Variants in PDE1C observed in about 807,000 individuals in gnomAD.
PDE1C encodes dual specificity calcium/calmodulin-dependent 3',5'-cyclic nucleotide phosphodiesterase 1C.
A neutral mutation model predicts 93.1 loss-of-function variants in PDE1C; 62 were observed. The ratio of observed to expected loss-of-function variants is 0.67; its 90% CI spans 0.54 to 0.82. The LOEUF (loss-of-function observed/expected upper bound fraction) is 0.82. Ranked by LOEUF, PDE1C falls within the 40% of genes least tolerant of loss-of-function variation. PDE1C has a pLI of 0.00. For synonymous variants in PDE1C, 325 were observed against 310.1 expected, an observed-to-expected ratio of 1.05 and a Z score of -0.50; for missense variants, 742 against 884.6, an observed-to-expected ratio of 0.84 and a Z score of 2.04.
At chr7:32,108,907 C>T (rs912987614) in intron 3 of PDE1C, among the ~76,000 whole-genome samples, 2 of 152,190 alleles carry the variant, frequency 1.3e-5, no homozygotes, top group African/African-American at 2.4e-5. Context: ...TGCCAATATT[C>T]GTGCCTTCTT....
chr7:31,980,429 C>A (rs1812233965), intron 2 of PDE1C, among the ~76,000 whole-genome samples: 1 of 152,142 alleles, frequency 6.6e-6, no homozygotes, highest in Admixed American at 6.5e-5. Flanking sequence ...TTGCCTAACA[C>A]CTCTGAGTGT....
chr7:32,010,838 C>A (rs560561373), intron 2 of PDE1C, among the ~76,000 whole-genome samples: 4 of 152,210 alleles, frequency 2.6e-5, no homozygotes, highest in African/African-American at 9.6e-5. Context: ...ATAAGGACAC[C>A]AGTCATATTG....
intron 1 of PDE1C, among the ~76,000 whole-genome samples, chr7:32,260,129 GT>G (rs1471456900): frequency 8.5e-5 from 13 of 152,322 alleles, no homozygotes; most frequent in African/African-American, 2.9e-4. Context: ...AGACTTCAGT[GT>G]TTAGGGTTTT....
At chr7:31,730,237 C>G in the PDE1C span, among the ~76,000 whole-genome samples, 2 of 152,164 alleles carry the variant, frequency 1.3e-5, no homozygotes, top group African/African-American at 4.8e-5. Context: ...CAAACCTACA[C>G]AGCACAGACA....
chr7:32,058,658 T>G (rs906664203), intron 1 of PDE1C, among the ~76,000 whole-genome samples: 2 of 152,264 alleles, frequency 1.3e-5, no homozygotes, highest in African/African-American at 4.8e-5. Flanking sequence ...TGATTTCATT[T>G]CCATGATGCA....
chr7:31,655,573 A>G, the PDE1C span, among the ~76,000 whole-genome samples: 2 of 152,304 alleles, frequency 1.3e-5, no homozygotes, highest in Non-Finnish European at 1.5e-5. Context: ...TACTTCCCAG[A>G]GCAGCCTTCC....
chr7:32,295,788 G>T (rs1001792170), intron 1 of PDE1C, among the ~76,000 whole-genome samples: 3 of 151,676 alleles, frequency 2.0e-5, no homozygotes, highest in African/African-American at 7.3e-5. Flanking sequence ...CAGCTACTCC[G>T]GAGGCTGAGG....
intron 16 of PDE1C, among the ~76,000 whole-genome samples, chr7:31,791,657 G>A (rs1784608155): frequency 6.6e-6 from 1 of 152,062 alleles, no homozygotes. Context: ...AGAAGGTTGG[G>A]TTTGATTTTT....
intron 3 of PDE1C, among the ~76,000 whole-genome samples, chr7:31,880,334 A>G (rs930619953): frequency 6.6e-6 from 1 of 152,206 alleles, no homozygotes; most frequent in African/African-American, 2.4e-5. Context: ...AAGAGAACAC[A>G]TGCTTCTCGA....
intron 2 of PDE1C, among the ~76,000 whole-genome samples, chr7:31,946,600 C>G (rs1806648188): frequency 1.3e-5 from 2 of 152,220 alleles, no homozygotes; most frequent in South Asian, 2.1e-4. Flanking sequence ...ACAGCTATAG[C>G]TTATGCACTT....
chr7:32,112,828 G>A (rs957553385), intron 3 of PDE1C, among the ~76,000 whole-genome samples: 8 of 85,438 alleles, frequency 9.4e-5, no homozygotes, highest in African/African-American at 1.5e-4. Flanking sequence ...GTGTGTGTGT[G>A]TGTGTGTGTG....
chr7:31,878,602 C>A (rs1242970374), intron 4 of PDE1C, among the ~76,000 whole-genome samples: 17 of 152,118 alleles, frequency 1.1e-4, no homozygotes. Context: ...ACTGAAGTGT[C>A]TTGGGGACTT....
chr7:31,859,176 T>C (rs1276696459), intron 7 of PDE1C, among the ~76,000 whole-genome samples: 1 of 149,434 alleles, frequency 6.7e-6, no homozygotes, highest in African/African-American at 2.4e-5. Context: ...ACTATGTACA[T>C]TTATGATTTA....
At chr7:31,964,528 G>A (rs1326682532) in intron 2 of PDE1C, among the ~76,000 whole-genome samples, 1 of 152,224 alleles carries the variant, frequency 6.6e-6, no homozygotes, top group African/African-American at 2.4e-5. Flanking sequence ...CCACCTTTGA[G>A]GGCAGGGCAC....
intron 1 of PDE1C, among the ~76,000 whole-genome samples, chr7:32,289,701 C>G (rs1220823174): frequency 2.6e-5 from 4 of 152,156 alleles, no homozygotes; most frequent in African/African-American, 7.2e-5. Flanking sequence ...GAGCAAGTCA[C>G]TTCTCCATCT....
intron 3 of PDE1C, among the ~76,000 whole-genome samples, chr7:32,095,388 C>T (rs1797697949): frequency 6.6e-6 from 1 of 152,204 alleles, no homozygotes; most frequent in African/African-American, 2.4e-5. Flanking sequence ...CGGACATGGA[C>T]TCCTGCCTTA....
chr7:31,829,551 T>A (rs768468344), intron 11 of PDE1C, among the ~76,000 whole-genome samples: 1 of 152,138 alleles, frequency 6.6e-6, no homozygotes, highest in African/African-American at 2.4e-5. Context: ...CCAAAGAGAA[T>A]GGATATTGGC....
intron 2 of PDE1C, among the ~76,000 whole-genome samples, chr7:31,984,930 C>T (rs917630703): frequency 2.6e-5 from 4 of 152,308 alleles, no homozygotes; most frequent in Admixed American, 1.3e-4. Flanking sequence ...CAGAAAACAT[C>T]GTCCTTCAGA....
At chr7:31,949,713 A>G (rs532500664) in intron 2 of PDE1C, among the ~76,000 whole-genome samples, 1 of 152,314 alleles carries the variant, frequency 6.6e-6, no homozygotes, top group East Asian at 1.9e-4. Context: ...AATGTTTTAC[A>G]TAAAATTTCA....
Sources: gnomAD v4.1 joint callset for allele counts (sites outside exome capture counted in the v4.1 genomes callset) on GRCh38, gnomAD v4.1.1 for gene constraint, MANE v1.5 for transcripts, NCBI Gene and HGNC (gene_info 2026-07-23, HGNC 2026-07-21) for gene names.